The following CYSTM1 variants were observed in gnomAD, a reference collection of about 807,000 sequenced individuals.
The protein encoded by CYSTM1 is cysteine-rich transmembrane module-containing protein 1.
Under a neutral mutation model 13.1 loss-of-function variants are expected in CYSTM1, and 4 were observed. The ratio of observed to expected loss-of-function variants is 0.31; its 90% confidence interval spans 0.15 to 0.70. The LOEUF is 0.70. CYSTM1 is among the 30% of genes least tolerant of loss of function. The pLI is 0.72. For synonymous variants in CYSTM1, 36 were observed against 42.7 expected, an observed-to-expected ratio of 0.84 and a Z score of 0.62; for missense variants, 96 against 121.6, an observed-to-expected ratio of 0.79 and a Z score of 0.99.
At chr5:140,216,806 G>A (rs532474095) in intron 2 of CYSTM1, among the ~76,000 whole-genome samples, 2 of 152,120 alleles carry the variant, frequency 1.3e-5, no homozygotes, top group East Asian at 3.9e-4. Context: ...ATTGGAAAAG[G>A]TAGCATACTC....
intron 2 of CYSTM1, among the ~76,000 whole-genome samples, chr5:140,240,059 T>TC (rs1179977491): frequency 6.6e-6 from 1 of 151,850 alleles, no homozygotes; most frequent in Non-Finnish European, 1.5e-5. Context: ...GCACTTGATC[T>TC]CCAAGAAGCA....
chr5:140,177,078 A>AAAAAAAAAAAAAAAAAC (rs10679899), intron 1 of CYSTM1, among the ~76,000 whole-genome samples: 6 of 135,614 alleles, frequency 4.4e-5, no homozygotes, highest in Admixed American at 7.6e-5. Context: ...CAAAAAAAAA[A>AAAAAAAAAAAAAAAAAC]AAAAAAAAAT....
At chr5:140,177,695 G>GT (rs1210035986) in intron 1 of CYSTM1, among the ~76,000 whole-genome samples, 13 of 152,186 alleles carry the variant, frequency 8.5e-5, no homozygotes, top group Admixed American at 7.2e-4. Context: ...GGCCAGAGTA[G>GT]TTTTTTCCCC....
intron 2 of CYSTM1, among the ~76,000 whole-genome samples, chr5:140,232,940 G>A (rs1230057758): frequency 6.6e-6 from 1 of 152,156 alleles, no homozygotes; most frequent in Non-Finnish European, 1.5e-5. Context: ...AGCTGCTGGA[G>A]GGTCCAGCAC....
At chr5:140,228,271 TC>T (rs1283889403) in intron 2 of CYSTM1, among the ~76,000 whole-genome samples, 1 of 152,266 alleles carries the variant, frequency 6.6e-6, no homozygotes, top group African/African-American at 2.4e-5. Flanking sequence ...TTCTGTCCAT[TC>T]CCACTCCTGC....
intron 2 of CYSTM1, among the ~76,000 whole-genome samples, chr5:140,236,435 G>A (rs901293020): frequency 2.0e-5 from 3 of 152,128 alleles, no homozygotes; most frequent in Non-Finnish European, 4.4e-5. Context: ...CAGGCACCTC[G>A]GTTCTTTAGC....
At chr5:140,209,196 G>C (rs1423505534) in intron 2 of CYSTM1, among the ~76,000 whole-genome samples, 2 of 151,902 alleles carry the variant, frequency 1.3e-5, no homozygotes, top group Non-Finnish European at 2.9e-5. Flanking sequence ...AAGGGGACTG[G>C]AATAAGCTTT....
intron 1 of CYSTM1, among the ~76,000 whole-genome samples, chr5:140,186,329 A>G (rs1764015081): frequency 6.6e-6 from 1 of 152,224 alleles, no homozygotes; most frequent in South Asian, 2.1e-4. Context: ...GCTCTTAGCA[A>G]GGCTGTTTAT....
At chr5:140,178,441 CTTTTTTTT>C (rs577709524) in intron 1 of CYSTM1, among the ~76,000 whole-genome samples, 23 of 52,668 alleles carry the variant, frequency 4.4e-4, no homozygotes, top group Non-Finnish European at 5.6e-4. Flanking sequence ...CAAGTCCTTC[CTTTTTTTT>C]TTTTTTTTTT....
At chr5:140,227,960 CAAATA>C (rs1764579409) in intron 2 of CYSTM1, among the ~76,000 whole-genome samples, 1 of 152,072 alleles carries the variant, frequency 6.6e-6, no homozygotes, top group South Asian at 2.1e-4. Context: ...TCTTATTGTA[CAAATA>C]AAATAGATGC....
Position 140,194,636 on chromosome 5 carries a change from G to A in CYSTM1, c.171G>A (p.Glu57=). The A allele has an allele frequency of 4.3e-6, 7 of 1,612,830 alleles. No homozygotes were observed. The highest frequency in any genetic ancestry group is 5.9e-6 in the Non-Finnish European group (7 of 1,179,496). The change falls in exon 2 of 3, where the codon GAG becomes GAA. Residue 57 remains glutamate, a synonymous_variant. Transcript: ENST00000261811. ...ACGGCTGGCAGGGTGGACCTCAGGAGCCTCCTAAAACCACAGGTGTGTGTC... is the reference window on the plus strand; with the variant it reads ...ACGGCTGGCAGGGTGGACCTCAGGAACCTCCTAAAACCACAGGTGTGTGTC... ...PQYGWQGGPQ[E]PPKTTVYVVE...
intron 2 of CYSTM1, among the ~76,000 whole-genome samples, chr5:140,223,944 AAGGCTGAGGGAGCTGAG>A (rs1298891158): frequency 6.6e-6 from 1 of 152,164 alleles, no homozygotes; most frequent in Non-Finnish European, 1.5e-5. Flanking sequence ...TCGACCCCCA[AAGGCTGAGGGAGCTGAG>A]AGGCTGACAC....
intron 1 of CYSTM1, among the ~76,000 whole-genome samples, chr5:140,186,771 A>AAT (rs34157153): frequency 0.25 from 37,695 of 152,074 alleles, 5,395 homozygotes; most frequent in East Asian, 0.45. Context: ...GGAATAAACT[A>AAT]ATATGTCAAT....
intron 2 of CYSTM1, among the ~76,000 whole-genome samples, chr5:140,241,438 T>C (rs1764747908): frequency 6.6e-6 from 1 of 151,974 alleles, no homozygotes; most frequent in Non-Finnish European, 1.5e-5. Flanking sequence ...CCTCAATAAA[T>C]GGTAACTTAA....
At chr5:140,213,610 G>T (rs1244904474) in intron 2 of CYSTM1, among the ~76,000 whole-genome samples, 1 of 152,124 alleles carries the variant, frequency 6.6e-6, no homozygotes, top group African/African-American at 2.4e-5. Flanking sequence ...CTCCATTCAT[G>T]GTAAGTGCTC....
intron 2 of CYSTM1, among the ~76,000 whole-genome samples, chr5:140,237,103 C>T (rs1159490270): frequency 6.6e-6 from 1 of 152,090 alleles, no homozygotes; most frequent in Non-Finnish European, 1.5e-5. Flanking sequence ...GGAAGTGTGG[C>T]GGGTGGTGGC....
At position 140,219,410 on chromosome 5, in the gene CYSTM1, AGAGGGGAGGG is replaced by A. The variant is rs1764465334; in HGVS notation, c.188-23893_188-23884del. On this transcript the variant is annotated intron_variant, in intron 2 of 2. Transcript: ENST00000261811. This position sits in a 1 kb window ranked among gnomAD's most constrained non-coding sequence, Gnocchi z 4.1. Reference sequence around the variant, plus strand: ...TCGTGGGCAGTGTGCTGCAGGTAGTAGAGGGGAGGGGTGGGAGACAGTCCTTACAAGTGAG... The same window carrying A: ...TCGTGGGCAGTGTGCTGCAGGTAGTAGTGGGAGACAGTCCTTACAAGTGAG... Among the ~76,000 whole-genome samples the A allele has an allele frequency of 5.9e-5, 9 of 152,138 alleles. No individual in the cohort carries two copies. In the South Asian group the frequency reaches 1.9e-3, roughly 32 times the overall value.
chr5:140,192,607 TG>T (rs2126656711), intron 1 of CYSTM1, among the ~76,000 whole-genome samples: 1 of 152,356 alleles, frequency 6.6e-6, no homozygotes, highest in South Asian at 2.1e-4. Context: ...TCAGCAATTT[TG>T]TAGGCCAATC....
chr5:140,188,369 T>C (rs1017722664), intron 1 of CYSTM1, among the ~76,000 whole-genome samples: 1 of 152,234 alleles, frequency 6.6e-6, no homozygotes, highest in African/African-American at 2.4e-5. Context: ...ATTATAAGCA[T>C]GAGCCCTGAG....
Sources: allele counts gnomAD v4.1 joint callset (sites outside exome capture counted in the v4.1 genomes callset), GRCh38; gene constraint gnomAD v4.1.1; non-coding constraint Gnocchi (gnomAD v3.1); transcripts MANE v1.5; gene names NCBI Gene and HGNC (gene_info 2026-07-23, HGNC 2026-07-21).